GSE1: variants seen among roughly 807,000 people sequenced by gnomAD.
GSE1 encodes the protein Gse1 coiled-coil protein.
In GSE1, 32 loss-of-function variants were observed where a neutral mutation model predicts 112.6. That is an observed-to-expected ratio of 0.28 (90% CI 0.21 to 0.38). GSE1 has a LOEUF of 0.38. Ranked by LOEUF, GSE1 falls within the 10% of genes least tolerant of loss-of-function variation. The pLI, the probability that GSE1 is intolerant of heterozygous loss-of-function variation, is 1.00. For missense variants in GSE1, 2,348 were observed against 1,699.2 expected (o/e 1.38, Z -6.71); for synonymous variants, 1,115 against 735.6 (o/e 1.52, Z -8.35).
intron 1 of GSE1, among the ~76,000 whole-genome samples, chr16:85,563,673 C>G (rs953325016): frequency 6.6e-6 from 1 of 152,236 alleles, no homozygotes; most frequent in East Asian, 1.9e-4. Context: ...ACAGGAAGCG[C>G]CCTCTGACCA....
intron 1 of GSE1, among the ~76,000 whole-genome samples, chr16:85,214,516 C>A (rs1009024324): frequency 6.6e-6 from 1 of 152,140 alleles, no homozygotes; most frequent in Non-Finnish European, 1.5e-5. Flanking sequence ...GGCCCCGGAG[C>A]CTTCAGAGGC....
At position 85,404,382 on chromosome 16, in the gene GSE1, A is replaced by G. The variant is rs13333808; in HGVS notation, c.2464+46739A>G. On this transcript the variant is annotated intron_variant, in intron 2 of 2. Coordinates refer to the GSE1 transcript ENST00000637419. Reference sequence around the variant, plus strand: ...CTCAGGGCCCCCCTGGATAATCCTCACTGTTACACTCAGGCCCCCTGGATA... The same window carrying G: ...CTCAGGGCCCCCCTGGATAATCCTCGCTGTTACACTCAGGCCCCCTGGATA... Among the ~76,000 whole-genome samples the G allele has an allele frequency of 3.0e-3, 44 of 14,588 alleles. 2 individuals are homozygous for G. The highest frequency in any genetic ancestry group is 8.8e-3 in the African/African-American group (35 of 3,970). The allele number at this position is 14,588 out of a possible 152,430, so 9.6% of individuals were successfully genotyped here. A position where few individuals can be genotyped will look rare whatever the true frequency, so the allele number is the denominator to read the frequency against.
At chr16:85,545,667 C>A (rs184974667) in intron 2 of GSE1, among the ~76,000 whole-genome samples, 19 of 152,278 alleles carry the variant, frequency 1.2e-4, no homozygotes, top group Admixed American at 3.9e-4. Flanking sequence ...GAAGATGTAA[C>A]AAGATAATGT....
intron 1 of GSE1, among the ~76,000 whole-genome samples, chr16:85,312,691 G>C (rs2045886928): frequency 6.6e-6 from 1 of 152,088 alleles, no homozygotes; most frequent in African/African-American, 2.4e-5. Context: ...GAAGCAGGGA[G>C]GGGGAGGAGG....
At chr16:85,254,063 C>A (rs2144048962) in intron 1 of GSE1, among the ~76,000 whole-genome samples, 1 of 152,266 alleles carries the variant, frequency 6.6e-6, no homozygotes, top group African/African-American at 2.4e-5. Context: ...CCGTGTGGGG[C>A]ATAGCCTCAG....
At chr16:85,232,453 C>T (rs1234946951) in intron 1 of GSE1, among the ~76,000 whole-genome samples, 1 of 152,170 alleles carries the variant, frequency 6.6e-6, no homozygotes. Flanking sequence ...ATGGTGTGGA[C>T]AGGCTGTGAG....
intron 1 of GSE1, among the ~76,000 whole-genome samples, chr16:85,249,701 G>A (rs369271028): frequency 5.9e-5 from 9 of 152,202 alleles, no homozygotes; most frequent in East Asian, 1.9e-4. Flanking sequence ...AGCTGTCCCC[G>A]CAGCAGGACA....
At chr16:85,340,626 G>C (rs552437271) in intron 1 of GSE1, among the ~76,000 whole-genome samples, 1 of 152,328 alleles carries the variant, frequency 6.6e-6, no homozygotes, top group East Asian at 1.9e-4. Flanking sequence ...GGGCGACAGA[G>C]CAAGACCCTG....
chr16:85,260,712 G>A (rs1400684346), intron 1 of GSE1, among the ~76,000 whole-genome samples: 1 of 152,198 alleles, frequency 6.6e-6, no homozygotes, highest in Non-Finnish European at 1.5e-5. Flanking sequence ...CTGGCCCCCC[G>A]TGCTCCCTAC....
intron 3 of GSE1, among the ~76,000 whole-genome samples, chr16:85,653,191 C>T (rs182678569): frequency 0.17 from 17 of 100 alleles, 1 homozygote; most frequent in African/African-American, 0.25. Context: ...CCCTCCGCCC[C>T]CCTCCTCCCC....
intron 1 of GSE1, among the ~76,000 whole-genome samples, chr16:85,619,834 G>T (rs1196702347): frequency 1.3e-5 from 2 of 152,088 alleles, no homozygotes; most frequent in African/African-American, 4.8e-5. Context: ...GAAGAAAGGG[G>T]CCCCGGGGAT....
chr16:85,408,373 ACTGTTGCACTCAGGGTCCCTCT>A (rs2048375251), intron 2 of GSE1, among the ~76,000 whole-genome samples: 1 of 13,778 alleles, frequency 7.3e-5, no homozygotes, highest in Non-Finnish European at 1.2e-4. Flanking sequence ...GATAATCCTC[ACTGTTGCACTCAGGGTCCCTCT>A]GATAATCCTC....
At chr16:85,654,109 C>T (rs2051688305) in intron 3 of GSE1, among the ~76,000 whole-genome samples, 169 bp from the exon 4 acceptor site, 2 of 152,176 alleles carry the variant, frequency 1.3e-5, no homozygotes, top group Admixed American at 1.3e-4. Flanking sequence ...TACGGTTCTG[C>T]TTCCCACACC....
intron 2 of GSE1, among the ~76,000 whole-genome samples, chr16:85,388,376 G>GGGTAGA (rs2047750450): frequency 1.6e-5 from 1 of 60,740 alleles, no homozygotes; most frequent in Non-Finnish European, 3.2e-5. Context: ...GGGCGGGTGG[G>GGGTAGA]TGGATGGATG....
chr16:85,640,439 C>T (rs1312540201), intron 2 of GSE1, among the ~76,000 whole-genome samples: 1 of 152,248 alleles, frequency 6.6e-6, no homozygotes, highest in African/African-American at 2.4e-5. Flanking sequence ...GTCATCGAGG[C>T]CCGCGGGGCC....
intron 1 of GSE1, among the ~76,000 whole-genome samples, chr16:85,631,924 C>A (rs1040428051): frequency 6.6e-6 from 1 of 152,240 alleles, no homozygotes. Flanking sequence ...CAGCCCGGTG[C>A]GGGGGACACG....
intron 14 of GSE1, among the ~76,000 whole-genome samples, chr16:85,669,260 T>TGGGCC (rs769047052): frequency 1.3e-5 from 2 of 152,272 alleles, no homozygotes; most frequent in South Asian, 2.1e-4. Context: ...AAAGCTGGGC[T>TGGGCC]GGGCCACAGC....
intron 1 of GSE1, among the ~76,000 whole-genome samples, chr16:85,569,604 T>C (rs942003439): frequency 6.6e-6 from 1 of 152,222 alleles, no homozygotes; most frequent in Admixed American, 6.5e-5. Flanking sequence ...GTGATCGTCA[T>C]CATCACTGGA....
intron 1 of GSE1, among the ~76,000 whole-genome samples, chr16:85,233,747 C>T (rs1476000663): frequency 6.6e-6 from 1 of 152,170 alleles, no homozygotes; most frequent in African/African-American, 2.4e-5. Flanking sequence ...AGGCAGGCAT[C>T]CATCAGACGC....
Sources: gnomAD v4.1 joint callset for allele counts (sites outside exome capture counted in the v4.1 genomes callset) on GRCh38, gnomAD v4.1.1 for gene constraint, MANE v1.5 for transcripts, NCBI Gene and HGNC (gene_info 2026-07-23, HGNC 2026-07-21) for gene names.